The following RBMS3 variants were observed in gnomAD, a reference collection of about 807,000 sequenced individuals.
RBMS3 encodes the protein RNA-binding motif, single-stranded-interacting protein 3.
RBMS3 carries 27 observed loss-of-function variants against 66.8 expected under a neutral mutation model. The observed-to-expected ratio is 0.40, with a 90% CI of 0.30 to 0.56. The LOEUF is 0.56. Among genes scored for constraint, RBMS3 ranks in the 20% least tolerant of loss-of-function variants. The pLI, the probability that RBMS3 is intolerant of heterozygous loss-of-function variation, is 0.40. For synonymous variants in RBMS3, 188 were observed against 183.0 expected (o/e 1.03, Z -0.22); for missense variants, 513 against 549.5 (o/e 0.93, Z 0.66).
intron 4 of RBMS3, among the ~76,000 whole-genome samples, chr3:29,648,006 C>A (rs1025785260): frequency 1.3e-5 from 2 of 151,976 alleles, no homozygotes; most frequent in Non-Finnish European, 2.9e-5. Flanking sequence ...CAAAATCATG[C>A]ACTAAAAATA....
intron 10 of RBMS3, among the ~76,000 whole-genome samples, chr3:29,907,254 C>T (rs1013475162): frequency 2.0e-5 from 3 of 152,060 alleles, no homozygotes; most frequent in African/African-American, 7.2e-5. Context: ...TCTGAATTCC[C>T]TCATTGTTTT....
intron 14 of RBMS3, among the ~76,000 whole-genome samples, chr3:29,999,827 G>A (rs1699494583): frequency 6.6e-6 from 1 of 152,080 alleles, no homozygotes; most frequent in Non-Finnish European, 1.5e-5. Context: ...GTTAATGGGT[G>A]CAGCACACCA....
intron 4 of RBMS3, among the ~76,000 whole-genome samples, chr3:29,697,882 A>G (rs1240257561): frequency 2.0e-5 from 3 of 152,162 alleles, no homozygotes; most frequent in Non-Finnish European, 2.9e-5. Flanking sequence ...TGGATTTCAG[A>G]TTTTTTATTT....
chr3:29,716,118 CTT>C (rs1007320322), intron 4 of RBMS3, among the ~76,000 whole-genome samples: 1 of 152,046 alleles, frequency 6.6e-6, no homozygotes, highest in African/African-American at 2.4e-5. Context: ...GAAAACGGAA[CTT>C]TTACATATTG....
At chr3:29,440,006 A>G (rs2041555733) in intron 2 of RBMS3, among the ~76,000 whole-genome samples, 1 of 152,174 alleles carries the variant, frequency 6.6e-6, no homozygotes, top group African/African-American at 2.4e-5. Context: ...AAAGAGAGAG[A>G]GAGCATTGTA....
At chr3:29,958,623 C>T (rs1380410214) in intron 12 of RBMS3, among the ~76,000 whole-genome samples, 7 of 151,920 alleles carry the variant, frequency 4.6e-5, no homozygotes, top group Non-Finnish European at 1.0e-4. Context: ...ATAAGGTGCC[C>T]GTTAGCTTTA....
intron 4 of RBMS3, among the ~76,000 whole-genome samples, chr3:29,725,650 C>G (rs888222669): frequency 6.6e-6 from 1 of 152,118 alleles, no homozygotes. Context: ...CATCCCAAGA[C>G]TAAACCAGGA....
At chr3:29,554,511 A>G (rs1298479548) in intron 3 of RBMS3, among the ~76,000 whole-genome samples, 1 of 152,226 alleles carries the variant, frequency 6.6e-6, no homozygotes, top group African/African-American at 2.4e-5. Flanking sequence ...TATTTACTAT[A>G]AATGGAAGTA....
intron 1 of RBMS3, among the ~76,000 whole-genome samples, chr3:29,397,459 A>C (rs2039604199): frequency 6.6e-6 from 1 of 152,168 alleles, no homozygotes; most frequent in Admixed American, 6.5e-5. Flanking sequence ...TTGGTTTTAA[A>C]CGCTTACTGT....
chr3:29,743,708 T>G (rs554496651), intron 5 of RBMS3, among the ~76,000 whole-genome samples: 1 of 152,074 alleles, frequency 6.6e-6, no homozygotes, highest in African/African-American at 2.4e-5. Flanking sequence ...TGGCTTGGGG[T>G]GAGACTCAAT....
At chr3:29,332,589 A>G (rs1438687310) in intron 1 of RBMS3, among the ~76,000 whole-genome samples, 1 of 152,144 alleles carries the variant, frequency 6.6e-6, no homozygotes, top group Non-Finnish European at 1.5e-5. Context: ...AGCACCCTCA[A>G]TGTGGTGTCA....
chr3:29,307,320 T>C (rs946261897), intron 1 of RBMS3, among the ~76,000 whole-genome samples: 5 of 151,988 alleles, frequency 3.3e-5, no homozygotes, highest in Non-Finnish European at 5.9e-5. Flanking sequence ...TCTGCATTGC[T>C]TATAAGCAAT....
At position 30,009,249 on chromosome 3, in the gene RBMS3, T is replaced by C. The variant is rs936868380; in HGVS notation, c.*5387T>C. ...AATTATCTACTTTGTGGGTGTGTTT[T>C]GTTTTTTCTTTTCAGCGTGTAGGGC... On this transcript the variant is annotated 3_prime_UTR_variant, in exon 15 of 15. Transcript: ENST00000383767. 3 of 152,140 alleles carry C rather than the reference T, an allele frequency of 2.0e-5. No individual in the cohort carries two copies. The highest frequency in any genetic ancestry group is 6.6e-5 in the Admixed American group (1 of 15,264). The allele number at this position is 152,140 out of a possible 1,614,324, so 9.4% of individuals were successfully genotyped here. A position where few individuals can be genotyped will look rare whatever the true frequency, so the allele number is the denominator to read the frequency against.
chr3:30,000,858 G>T (rs1699572802), intron 14 of RBMS3, among the ~76,000 whole-genome samples: 1 of 151,894 alleles, frequency 6.6e-6, no homozygotes, highest in African/African-American at 2.4e-5. Context: ...GACATCGGGG[G>T]TGGGCGCATC....
At chr3:29,817,772 T>C (rs902484132) in intron 6 of RBMS3, among the ~76,000 whole-genome samples, 1 of 151,960 alleles carries the variant, frequency 6.6e-6, no homozygotes, top group Non-Finnish European at 1.5e-5. Context: ...GGAAAAATGA[T>C]AAACCATTTG....
At chr3:29,576,794 C>T (rs75882108) in intron 3 of RBMS3, among the ~76,000 whole-genome samples, 2 of 152,172 alleles carry the variant, frequency 1.3e-5, no homozygotes, top group African/African-American at 2.4e-5. Flanking sequence ...TGCCAGGCCA[C>T]TGCCCATGTT....
chr3:29,466,784 T>G (rs1488363221), intron 2 of RBMS3, among the ~76,000 whole-genome samples: 1 of 152,282 alleles, frequency 6.6e-6, no homozygotes, highest in Admixed American at 6.5e-5. Context: ...ATAGTTGGCC[T>G]TATGTTTTTT....
At chr3:29,801,272 C>CTTTTTTTCCTT (rs553179866) in intron 6 of RBMS3, among the ~76,000 whole-genome samples, 1 of 129,478 alleles carries the variant, frequency 7.7e-6, no homozygotes, top group Non-Finnish European at 1.6e-5. Flanking sequence ...TGCTTTTTTT[C>CTTTTTTTCCTT]TTTTTTTTTT....
chr3:29,809,336 G>C (rs989041410), intron 6 of RBMS3, among the ~76,000 whole-genome samples: 7 of 114,118 alleles, frequency 6.1e-5, no homozygotes, highest in African/African-American at 2.5e-4. Flanking sequence ...TATGATCAGT[G>C]GGAAAAAAAA....
Sources: gnomAD v4.1 joint callset for allele counts (sites outside exome capture counted in the v4.1 genomes callset) on GRCh38, gnomAD v4.1.1 for gene constraint, MANE v1.5 for transcripts, NCBI Gene and HGNC (gene_info 2026-07-23, HGNC 2026-07-21) for gene names.